The following SH2D3C variants were observed in gnomAD, a reference collection of about 807,000 sequenced individuals.
SH2D3C encodes the protein SH2 domain-containing protein 3C.
A neutral mutation model predicts 75.2 loss-of-function variants in SH2D3C; 25 were observed. That is an observed-to-expected ratio of 0.33 (90% CI 0.24 to 0.46). The LOEUF (loss-of-function observed/expected upper bound fraction) is 0.46, where lower values mean the gene tolerates loss of function less well. Ranked by LOEUF, SH2D3C falls within the 20% of genes least tolerant of loss-of-function variation. SH2D3C has a pLI of 1.00. For synonymous variants in SH2D3C, 450 were observed against 473.7 expected, an observed-to-expected ratio of 0.95 and a Z score of 0.65; for missense variants, 933 against 1,165.3, an observed-to-expected ratio of 0.80 and a Z score of 2.90.
Position 127,742,884 on chromosome 9 carries a change from G to A in SH2D3C, c.1881C>T (p.Pro627=), listed in dbSNP as rs757655035. The A allele has an allele frequency of 1.2e-6, 2 of 1,613,888 alleles. No individual in the cohort carries two copies. Among genetic ancestry groups the A allele is most frequent in the Non-Finnish European group, 1.7e-6 (2 of 1,179,890 alleles). The change falls in exon 8 of 12, where the codon CCC becomes CCT. Residue 627 remains proline (P), a synonymous_variant. Transcript: ENST00000314830. ...VRWGMELLTL[P]HGRQLRLDLL... is the part of the protein sequence containing the mutation. ...GGTCTAGGCGTAGCTGCCGGCCATGGGGGAGGGTGAGCAGTTCCATGCCCC... is the reference window on the plus strand; with the variant it reads ...GGTCTAGGCGTAGCTGCCGGCCATGAGGGAGGGTGAGCAGTTCCATGCCCC...
chr9:127,749,724 A>C lies in SH2D3C; in HGVS notation c.685-59T>G. 1 of 1,161,460 alleles carries C rather than the reference A, an allele frequency of 8.6e-7. No homozygotes were observed. Among genetic ancestry groups the C allele is most frequent in the Non-Finnish European group, 1.2e-6 (1 of 809,084 alleles). 71.9% of individuals were successfully genotyped at this position (1,161,460 alleles called of 1,614,324 possible). A position where few individuals can be genotyped will look rare whatever the true frequency, so the allele number is the denominator to read the frequency against. On this transcript the variant is annotated intron_variant, in intron 4 of 11. Coordinates refer to ENST00000314830, the MANE Select transcript of SH2D3C (RefSeq NM_170600.3). This position sits in a 1 kb window ranked among gnomAD's most constrained non-coding sequence, Gnocchi z 5.9. ...GGGCCAGGAGAGGGTCAGACCCAGGATCTGGGGGACAGAGCAACCCAGGAT... is the reference window on the plus strand; with the variant it reads ...GGGCCAGGAGAGGGTCAGACCCAGGCTCTGGGGGACAGAGCAACCCAGGAT...
intron 6 of SH2D3C, among the ~76,000 whole-genome samples, chr9:127,745,566 C>G (rs978680115): frequency 1.4e-5 from 2 of 145,350 alleles, no homozygotes; most frequent in Non-Finnish European, 3.0e-5. Flanking sequence ...TGGGTTCAAG[C>G]AATTCTTCAA....
chr9:127,745,379 C>T (rs1289708672), intron 6 of SH2D3C, among the ~76,000 whole-genome samples: 1 of 151,090 alleles, frequency 6.6e-6, no homozygotes, highest in African/African-American at 2.4e-5. Context: ...TTCAGTGATC[C>T]GGGGAAGCTG....
chr9:127,768,746 C>T (rs990422543), intron 2 of SH2D3C, among the ~76,000 whole-genome samples: 1 of 152,210 alleles, frequency 6.6e-6, no homozygotes, highest in African/African-American at 2.4e-5. Context: ...ACGTTATCTG[C>T]TCCCATTTCC....
intron 8 of SH2D3C, chr9:127,742,554 G>A: frequency 3.0e-6 from 1 of 329,350 alleles, no homozygotes; most frequent in Non-Finnish European, 5.6e-6. Context: ...GCAGTTTTAA[G>A]AACGAACAAG....
At chr9:127,766,917 A>G in intron 2 of SH2D3C, 1 of 1,532,042 alleles carries the variant, frequency 6.5e-7, no homozygotes, top group Non-Finnish European at 8.7e-7. Context: ...CAGAGAAGCA[A>G]CGGGCACCTG....
At chr9:127,755,296 AG>A in intron 3 of SH2D3C, 1 of 452,314 alleles carries the variant, frequency 2.2e-6, no homozygotes, top group Non-Finnish European at 2.8e-6. Context: ...TTGTCGGGGG[AG>A]GAGCGGGGAG....
rs984765763 is a variant in SH2D3C at position 127,754,214 on chromosome 9, G to C, written c.556-2914C>G. Among the ~76,000 whole-genome samples the C allele has an allele frequency of 6.6e-6, 1 of 152,178 alleles. No individual in the cohort carries two copies. Among genetic ancestry groups the C allele is most frequent in the African/African-American group, 2.4e-5 (1 of 41,446 alleles). ...CCGGCCTGCGCGCGCCTGATTGGCC[G>C]GTGCGGGGATGCTGCGCTCCGCCGC... On this transcript the variant is annotated intron_variant, in intron 3 of 11. Transcript: ENST00000314830. This position sits in a 1 kb window ranked among gnomAD's most constrained non-coding sequence, Gnocchi z 4.4.
At chr9:127,777,892 C>T (rs562236173) in intron 1 of SH2D3C, among the ~76,000 whole-genome samples, 2 of 151,478 alleles carry the variant, frequency 1.3e-5, no homozygotes, top group Admixed American at 1.3e-4. Flanking sequence ...ACAGGAGGAT[C>T]GCTTGAGCCC....
At chr9:127,753,626 C>G (rs1007814096) in intron 3 of SH2D3C, among the ~76,000 whole-genome samples, 7 of 152,186 alleles carry the variant, frequency 4.6e-5, no homozygotes, top group Admixed American at 1.3e-4. Context: ...TCCAAGGGGT[C>G]CCCTACTTCT....
At chr9:127,759,413 G>A (rs542641156) in intron 3 of SH2D3C, among the ~76,000 whole-genome samples, 9 of 152,124 alleles carry the variant, frequency 5.9e-5, no homozygotes, top group Non-Finnish European at 1.0e-4. Flanking sequence ...ATAGGATTTC[G>A]CCATGTTGGC....
intron 2 of SH2D3C, among the ~76,000 whole-genome samples, chr9:127,764,248 C>T (rs1356471369): frequency 2.0e-5 from 3 of 152,170 alleles, no homozygotes; most frequent in African/African-American, 7.2e-5. Flanking sequence ...AGCTGAGGCT[C>T]TGGGGCCACT....
intron 9 of SH2D3C, among the ~76,000 whole-genome samples, 153 bp downstream of exon 9, chr9:127,741,635 G>C (rs1376379107): frequency 2.0e-5 from 3 of 151,900 alleles, no homozygotes; most frequent in Non-Finnish European, 4.4e-5. Context: ...GCTGTGGGTC[G>C]GCACTTGCAG....
intron 3 of SH2D3C, among the ~76,000 whole-genome samples, chr9:127,753,111 C>T (rs534093746): frequency 3.9e-5 from 6 of 151,958 alleles, no homozygotes; most frequent in African/African-American, 9.7e-5. Context: ...AGGTGTGGCA[C>T]GGCTGCCTCA....
rs112260508 is a variant in SH2D3C at position 127,778,290 on chromosome 9, C to CAA, written c.37+299_37+300dup. 2.7e-3 allele frequency among the ~76,000 whole-genome samples: 246 copies of CAA among 92,122 alleles called. 1 individual carries two copies. Among genetic ancestry groups the CAA allele is most frequent in the African/African-American group, 8.2e-3 (222 of 27,148 alleles). The allele number at this position is 92,122 out of a possible 152,430, so 60.4% of individuals were successfully genotyped here. A position where few individuals can be genotyped will look rare whatever the true frequency, so the allele number is the denominator to read the frequency against. On this transcript the variant is annotated intron_variant, in intron 1 of 11. Transcript: ENST00000314830. ...GGCGTGAGCCACCACTGCACCTGGC[C>CAA]AAAAAAAAAAAAAAAGATTTAATTG... is the stretch of plus-strand genomic sequence containing the variant.
chr9:127,763,440 G>A (rs577008055), intron 2 of SH2D3C, among the ~76,000 whole-genome samples: 7 of 152,202 alleles, frequency 4.6e-5, no homozygotes, highest in African/African-American at 9.6e-5. Context: ...AAAATTAGCC[G>A]GGCGTGGCAG....
intron 7 of SH2D3C, among the ~76,000 whole-genome samples, chr9:127,743,791 T>C (rs1844936650): frequency 6.6e-6 from 1 of 152,188 alleles, no homozygotes; most frequent in Non-Finnish European, 1.5e-5. Flanking sequence ...CTGGGGTCTT[T>C]AGATGTTCAA....
In SH2D3C at chr9:127,774,125, G is replaced by C. The variant is rs1295472154; in HGVS notation, c.380C>G (p.Ala127Gly). ...TGGGGTGTCCTCTAGAGGGCCAGTGGCCTTCACCATCACCTCTTTGGCTGC... is the reference window on the plus strand; with the variant it reads ...TGGGGTGTCCTCTAGAGGGCCAGTGCCCTTCACCATCACCTCTTTGGCTGC... The part of the protein sequence containing the change: ...LEAAKEVMVK[A>G]TGPLEDTPAM... Residue 127 changes from alanine (A) to glycine (G), a missense_variant, in exon 2 of 12, where the codon GCC becomes GGC. Coordinates refer to ENST00000314830, the MANE Select transcript of SH2D3C (RefSeq NM_170600.3). The surrounding 1 kb of genome is among the most constrained non-coding windows in gnomAD (Gnocchi z 4.3). 1 of 1,613,966 alleles carries C rather than the reference G, an allele frequency of 6.2e-7. No individual in the cohort carries two copies. The highest frequency in any genetic ancestry group is 1.1e-5 in the South Asian group (1 of 91,084).
At chr9:127,762,516 C>T (rs1845553593) in intron 2 of SH2D3C, 3 of 454,080 alleles carry the variant, frequency 6.6e-6, no homozygotes, top group South Asian at 1.6e-5. Context: ...TTTCCTCTTT[C>T]CTGCAGCTTT....
Sources: gnomAD v4.1 joint callset for allele counts (sites outside exome capture counted in the v4.1 genomes callset) on GRCh38, gnomAD v4.1.1 for gene constraint, Gnocchi (gnomAD v3.1) non-coding constraint, MANE v1.5 for transcripts, NCBI Gene and HGNC (gene_info 2026-07-23, HGNC 2026-07-21) for gene names.